Variants in GNG12 observed in about 807,000 individuals in gnomAD.
GNG12 encodes guanine nucleotide-binding protein G(I)/G(S)/G(O) subunit gamma-12.
For synonymous variants in GNG12, 28 were observed against 29.7 expected (o/e 0.94, Z 0.19); for missense variants, 69 against 83.8 (o/e 0.82, Z 0.69).
chr1:67,732,085 T>C (rs1646423186), intron 2 of GNG12, among the ~76,000 whole-genome samples: 1 of 152,234 alleles, frequency 6.6e-6, no homozygotes, highest in Non-Finnish European at 1.5e-5. Context: ...ATAAGCTGGA[T>C]GAATTCAGGT....
At chr1:67,714,237 T>C (rs1646312028) in intron 2 of GNG12, among the ~76,000 whole-genome samples, 1 of 152,224 alleles carries the variant, frequency 6.6e-6, no homozygotes, top group African/African-American at 2.4e-5. Flanking sequence ...AGCTGCCCCT[T>C]CAAGCATTTG....
chr1:67,768,172 T>C (rs1646652671), intron 2 of GNG12, among the ~76,000 whole-genome samples: 1 of 152,260 alleles, frequency 6.6e-6, no homozygotes, highest in African/African-American at 2.4e-5. Context: ...AAACATTTCA[T>C]ATAGACTATT....
intron 2 of GNG12, among the ~76,000 whole-genome samples, chr1:67,732,883 G>T (rs1363849359): frequency 1.3e-5 from 2 of 152,222 alleles, no homozygotes; most frequent in Non-Finnish European, 2.9e-5. Context: ...TGTGCTTGGG[G>T]TGGGCCCCTC....
intron 2 of GNG12, among the ~76,000 whole-genome samples, chr1:67,709,949 G>GTT (rs1646276236): frequency 5.8e-5 from 1 of 17,240 alleles, no homozygotes; most frequent in African/African-American, 1.5e-4. Flanking sequence ...TATATATATA[G>GTT]TTATATATAT....
At chr1:67,776,442 C>T (rs1230177285) in intron 2 of GNG12, among the ~76,000 whole-genome samples, 1 of 152,136 alleles carries the variant, frequency 6.6e-6, no homozygotes, top group Non-Finnish European at 1.5e-5. Context: ...CCAGGCTAAC[C>T]ATATAGCTTG....
At chr1:67,785,032 C>T (rs1646760185) in intron 1 of GNG12, among the ~76,000 whole-genome samples, 1 of 152,154 alleles carries the variant, frequency 6.6e-6, no homozygotes, top group Non-Finnish European at 1.5e-5. Context: ...CACAACCAGA[C>T]TCTGAATCCC....
At chr1:67,778,380 A>G (rs1350984173) in intron 1 of GNG12, among the ~76,000 whole-genome samples, 3 of 152,158 alleles carry the variant, frequency 2.0e-5, no homozygotes, top group African/African-American at 7.2e-5. Flanking sequence ...TAGACAGCAC[A>G]GGTCTAGGGA....
At position 67,795,006 on chromosome 1, in the gene GNG12, T is replaced by C. The variant is rs148727426; in HGVS notation, c.-76-17499A>G. Among the ~76,000 whole-genome samples the C allele has an allele frequency of 7.2e-5, 11 of 152,288 alleles. No homozygotes were observed. The East Asian group carries it at 1.7e-3, about 24-fold the overall frequency. ...CAAAGTACAGAAAATACGATACCCA[T>C]TTTAGAGATAAGGACACAGGGGTAC... On this transcript the variant is annotated intron_variant, in intron 1 of 3. Coordinates refer to ENST00000370982, the MANE Select transcript of GNG12 (RefSeq NM_018841.6).
chr1:67,717,981 G>C (rs985944886), intron 2 of GNG12, among the ~76,000 whole-genome samples: 1 of 152,206 alleles, frequency 6.6e-6, no homozygotes, highest in African/African-American at 2.4e-5. Context: ...AGTTGTTACA[G>C]GATGAACTGA....
At chr1:67,779,748 G>A (rs76436622) in intron 1 of GNG12, among the ~76,000 whole-genome samples, 2,560 of 152,216 alleles carry the variant, frequency 0.017, 84 homozygotes, top group African/African-American at 0.059. Context: ...CCTGAAGGAG[G>A]GGGATGCGTT....
intron 1 of GNG12, among the ~76,000 whole-genome samples, chr1:67,810,478 G>C (rs1459205471): frequency 6.6e-6 from 1 of 152,224 alleles, no homozygotes; most frequent in Non-Finnish European, 1.5e-5. Flanking sequence ...GTGGGATGTG[G>C]ATAGTGGAGG....
In GNG12 at chr1:67,707,574, A is replaced by C; in HGVS notation, c.93+20T>G. ...GGGAACTGAGCAGAAAGCATATGTT[A>C]TCCAGTCGGGGCTTCTTACCTTTAT... On this transcript the variant is annotated intron_variant, in intron 3 of 3. Coordinates refer to ENST00000370982, the MANE Select transcript of GNG12 (RefSeq NM_018841.6). 8.0e-7 allele frequency: 1 copy of C among 1,250,980 alleles called. No individual in the cohort carries two copies. Among genetic ancestry groups the C allele is most frequent in the South Asian group, 1.2e-5 (1 of 81,302 alleles). 77.5% of individuals were successfully genotyped at this position (1,250,980 alleles called of 1,614,324 possible).
chr1:67,833,285 CCGCGCCCCGACCCCGCGG>C (rs1365076599), intron 1 of GNG12, 41 bp downstream of exon 1: 2 of 660,672 alleles, frequency 3.0e-6, no homozygotes, highest in Non-Finnish European at 3.8e-6. Context: ...ACGCCCCGCG[CCGCGCCCCGACCCCGCGG>C]GGACCCGACT....
intron 2 of GNG12, among the ~76,000 whole-genome samples, chr1:67,731,843 G>A (rs1368385392): frequency 6.6e-6 from 1 of 152,142 alleles, no homozygotes; most frequent in Non-Finnish European, 1.5e-5. Context: ...ACTGCCTTTT[G>A]CTTCATAATA....
At chr1:67,726,401 TG>T (rs1433925685) in intron 2 of GNG12, among the ~76,000 whole-genome samples, 15 of 152,326 alleles carry the variant, frequency 9.8e-5, no homozygotes, top group South Asian at 4.1e-4. Context: ...GTGACAGCTT[TG>T]TCATTCTTTT....
chr1:67,736,017 A>C (rs1646450303), intron 2 of GNG12, among the ~76,000 whole-genome samples: 2 of 151,992 alleles, frequency 1.3e-5, no homozygotes, highest in Admixed American at 6.5e-5. Flanking sequence ...GCACTGGGGA[A>C]AGGAGGAAGA....
At chr1:67,714,992 G>A (rs745705108) in intron 2 of GNG12, among the ~76,000 whole-genome samples, 4 of 152,064 alleles carry the variant, frequency 2.6e-5, no homozygotes, top group Non-Finnish European at 4.4e-5. Flanking sequence ...GCGCGATCTC[G>A]GCTCACTGCA....
In GNG12 at chr1:67,750,722, C is replaced by T. The variant is rs149483842; in HGVS notation, c.-27+26736G>A. ...TATAACTGGGGCTTAGGTTTCCAGGCCCTCTTATTTCTCAGAATATCCTAT... is the reference window on the plus strand; with the variant it reads ...TATAACTGGGGCTTAGGTTTCCAGGTCCTCTTATTTCTCAGAATATCCTAT... On this transcript the variant is annotated intron_variant, in intron 2 of 3. Transcript: ENST00000370982. 1.2e-4 allele frequency among the ~76,000 whole-genome samples: 19 copies of T among 152,260 alleles called. No homozygotes were observed. In the East Asian group the frequency reaches 2.5e-3, roughly 20 times the overall value.
chr1:67,721,959 C>T (rs1318680801), intron 2 of GNG12, among the ~76,000 whole-genome samples: 1 of 151,978 alleles, frequency 6.6e-6, no homozygotes, highest in African/African-American at 2.4e-5. Flanking sequence ...CTAATCTACC[C>T]CCAGTTCTTG....
Sources: gnomAD v4.1 joint callset for allele counts (sites outside exome capture counted in the v4.1 genomes callset) on GRCh38, gnomAD v4.1.1 for gene constraint, MANE v1.5 for transcripts, NCBI Gene and HGNC (gene_info 2026-07-23, HGNC 2026-07-21) for gene names.